BMI1: variants seen among roughly 807,000 people sequenced by gnomAD.
BMI1 encodes the protein polycomb complex protein BMI-1.
BMI1 carries 9 observed loss-of-function variants against 39.1 expected under a neutral mutation model. That is an observed-to-expected ratio of 0.23 (90% CI 0.14 to 0.40). BMI1 has a LOEUF of 0.40. BMI1 is among the 10% of genes least tolerant of loss of function. The probability of loss-of-function intolerance (pLI) is 1.00; values close to 1 mark genes in which losing one functional copy is unlikely to be tolerated. For missense variants in BMI1, 252 were observed against 390.8 expected (o/e 0.64, Z 2.99); for synonymous variants, 131 against 127.9 (o/e 1.02, Z -0.16).
At chr10:22,328,398 C>T (rs1409822371) in intron 7 of BMI1, among the ~76,000 whole-genome samples, 1 of 151,990 alleles carries the variant, frequency 6.6e-6, no homozygotes, top group Non-Finnish European at 1.5e-5. Context: ...ACAGTTAATA[C>T]TTTGGTATGC....
In BMI1 at chr10:22,326,923, C is replaced by G. The variant is rs1836168226; in HGVS notation, c.146C>G (p.Thr49Ser). The change falls in exon 3 of 10, where the codon ACC becomes AGC. Residue 49 changes from threonine (T) to serine (S), a missense_variant. Thr to Ser is a moderately conservative substitution (Grantham distance 58, BLOSUM62 1). Coordinates refer to ENST00000376663, the MANE Select transcript of BMI1 (RefSeq NM_005180.9). Reference protein sequence around the residue: ...CKTCIVRYLETSKYCPICDVQ... With the variant: ...CKTCIVRYLESSKYCPICDVQ... ...ACGTGTATTGTTCGTTACCTGGAGA[C>G]CAGCAAGTATTGTCCTATTTGTGAT... is the stretch of plus-strand genomic sequence containing the variant. The G allele has an allele frequency of 6.2e-7, 1 of 1,614,028 alleles. No individual in the cohort carries two copies. The highest frequency in any genetic ancestry group is 1.1e-5 in the South Asian group (1 of 91,074).
chr10:22,327,567 A>G (rs770917839), intron 3 of BMI1, 28 bp from the exon 4 acceptor site: 6 of 1,570,370 alleles, frequency 3.8e-6, no homozygotes, highest in African/African-American at 2.8e-5. Flanking sequence ...ATCTGAATTC[A>G]TAGTTTTCTA....
rs1836201011 is a variant in BMI1, at chr10:22,328,163, A to T, written c.455A>T (p.Glu152Val). ...GATCGGAAAGTAAACAAAGACAAAG[A>T]GAAATCTAAGGAGGAGGTATGTTTC... ...RLDRKVNKDK[E>V]KSKEEVNDKR... Residue 152 changes from glutamate (E) to valine (V), a missense_variant, in exon 7 of 10, where the codon GAG becomes GTG. Physicochemically the swap from Glu to Val is moderately radical, Grantham distance 121 (BLOSUM62 -2). This residue lies in a region of BMI1 where 67 missense variants were observed against 69.9 expected (regional missense o/e 0.96). Coordinates refer to ENST00000376663, the MANE Select transcript of BMI1 (RefSeq NM_005180.9). 6.2e-7 allele frequency: 1 copy of T among 1,601,036 alleles called. No homozygotes were observed. Among genetic ancestry groups the T allele is most frequent in the Non-Finnish European group, 8.5e-7 (1 of 1,176,406 alleles).
chr10:22,324,574 G>GT (rs771167086), intron 1 of BMI1, among the ~76,000 whole-genome samples: 54 of 152,106 alleles, frequency 3.6e-4, no homozygotes, highest in Non-Finnish European at 6.9e-4. Context: ...GCTTTGTTTT[G>GT]TTTTTTACCA....
intron 1 of BMI1, among the ~76,000 whole-genome samples, chr10:22,325,335 G>C (rs996669321): frequency 1.3e-5 from 2 of 152,246 alleles, no homozygotes; most frequent in African/African-American, 4.8e-5. Context: ...AGTGATTGCA[G>C]ACAGGACAGA....
In BMI1 at chr10:22,321,667, C is replaced by T. The variant is rs1226481910; in HGVS notation, c.-49C>T. The T allele has an allele frequency of 6.6e-6, 1 of 151,978 alleles. No individual in the cohort carries two copies. Among genetic ancestry groups the T allele is most frequent in the Non-Finnish European group, 1.5e-5 (1 of 67,866 alleles). The allele number at this position is 151,978 out of a possible 1,614,324, so 9.4% of individuals were successfully genotyped here. A position where few individuals can be genotyped will look rare whatever the true frequency, so the allele number is the denominator to read the frequency against. Reference sequence around the variant, plus strand: ...CTTTCATTGTCTTTTCCGCCCGCTTCGATCGCCTCGCGCCGGCTGCTCTTT... The same window carrying T: ...CTTTCATTGTCTTTTCCGCCCGCTTTGATCGCCTCGCGCCGGCTGCTCTTT... On this transcript the variant is annotated 5_prime_UTR_variant, in exon 1 of 10. Coordinates refer to ENST00000376663, the MANE Select transcript of BMI1 (RefSeq NM_005180.9).
chr10:22,323,931 T>C (rs553016648), intron 1 of BMI1, among the ~76,000 whole-genome samples: 1 of 152,246 alleles, frequency 6.6e-6, no homozygotes, highest in Non-Finnish European at 1.5e-5. Flanking sequence ...AAAACATAAC[T>C]GATTTTTATA....
intron 3 of BMI1, 121 bp downstream of exon 3, chr10:22,327,107 T>C: frequency 8.8e-7 from 1 of 1,133,764 alleles, no homozygotes; most frequent in Non-Finnish European, 1.3e-6. Context: ...AATATGTGTG[T>C]GCTTTGTGGA....
In BMI1 at chr10:22,330,037, A is replaced by T. The variant is rs1207345693; in HGVS notation, c.*495A>T. 1 of 153,406 alleles carries T rather than the reference A, an allele frequency of 6.5e-6. No homozygotes were observed. The highest frequency in any genetic ancestry group is 2.4e-5 in the African/African-American group (1 of 41,458). The allele number at this position is 153,406 out of a possible 1,614,324, so 9.5% of individuals were successfully genotyped here. Reference sequence around the variant, plus strand: ...TGTAGCCATGTCACTGTGAATAACGATTTCTTGCATATTTAGCCATTTTGA... The same window carrying T: ...TGTAGCCATGTCACTGTGAATAACGTTTTCTTGCATATTTAGCCATTTTGA... On this transcript the variant is annotated 3_prime_UTR_variant, in exon 10 of 10. Transcript: ENST00000376663.
chr10:22,326,285 G>T, intron 1 of BMI1, 146 bp from the exon 2 acceptor site: 1 of 1,126,334 alleles, frequency 8.9e-7, no homozygotes, highest in Non-Finnish European at 1.2e-6. Flanking sequence ...GATCTGATGA[G>T]TAAATTCCTT....
At chr10:22,326,362 G>T in intron 1 of BMI1, 69 bp from the exon 2 acceptor site, 1 of 1,587,654 alleles carries the variant, frequency 6.3e-7, no homozygotes. Context: ...AGTGTTTCAG[G>T]GTTTGTGATT....
chr10:22,329,475 A>C lies in BMI1; in HGVS notation c.914A>C (p.Gln305Pro). The C allele has an allele frequency of 6.2e-7, 1 of 1,614,208 alleles. No homozygotes were observed. The highest frequency in any genetic ancestry group is 1.1e-5 in the South Asian group (1 of 91,090). ...AGCAACAGCCCCAGCGGTAACCACC[A>C]ATCTTCTTTTGCCAATAGACCTCGA... is the stretch of plus-strand genomic sequence containing the variant. The part of the protein sequence containing the change: ...GTSNSPSGNH[Q>P]SSFANRPRKS... Residue 305 changes from glutamine to proline, a missense_variant, in exon 10 of 10, where the codon CAA becomes CCA. This residue lies in a region of BMI1 where 96 missense variants were observed against 120.2 expected (regional missense o/e 0.80). Coordinates refer to ENST00000376663, the MANE Select transcript of BMI1 (RefSeq NM_005180.9).
rs1836245739 is a variant in BMI1, at chr10:22,329,888, GCCTACATTACATTCTC to G, written c.*348_*363del. 1 of 217,858 alleles carries G rather than the reference GCCTACATTACATTCTC, an allele frequency of 4.6e-6. No homozygotes were observed. The highest frequency in any genetic ancestry group is 9.2e-6 in the Non-Finnish European group (1 of 108,670). The allele number at this position is 217,858 out of a possible 1,614,324, so 13.5% of individuals were successfully genotyped here. ...CCATAGTTTGTTAATCTCAACTAAC[GCCTACATTACATTCTC>G]CTTGATCGTTCTTGTTATTACGCTG... On this transcript the variant is annotated 3_prime_UTR_variant, in exon 10 of 10. Coordinates refer to ENST00000376663, the MANE Select transcript of BMI1 (RefSeq NM_005180.9).
chr10:22,325,503 G>GTCCCCGATCCCCGC lies in BMI1; in HGVS notation c.-19-921_-19-908dup, dbSNP rs1554774778. 1.3e-4 allele frequency among the ~76,000 whole-genome samples: 20 copies of GTCCCCGATCCCCGC among 151,636 alleles called. No homozygotes were observed. In the East Asian group the frequency reaches 2.5e-3, roughly 19 times the overall value. ...CCCGCCGCCCAGGACTGGGTCCCTG[G>GTCCCCGATCCCCGC]TCCCCGATCCCCGCTCCCCGCTCCC... On this transcript the variant is annotated intron_variant, in intron 1 of 9. Coordinates refer to ENST00000376663, the MANE Select transcript of BMI1 (RefSeq NM_005180.9).
intron 1 of BMI1, among the ~76,000 whole-genome samples, chr10:22,324,924 TATC>T (rs1836095156): frequency 6.6e-6 from 1 of 152,250 alleles, no homozygotes; most frequent in African/African-American, 2.4e-5. Flanking sequence ...CTGTTGGGAA[TATC>T]ATTTCATCGT....
intron 4 of BMI1, 36 bp downstream of exon 4, chr10:22,327,686 T>C (rs1257920239): frequency 6.2e-7 from 1 of 1,612,648 alleles, no homozygotes; most frequent in Admixed American, 1.7e-5. Context: ...TTTAAAGAGA[T>C]TATTCATTAG....
chr10:22,329,632 T>C lies in BMI1; in HGVS notation c.*90T>C. On this transcript the variant is annotated 3_prime_UTR_variant, in exon 10 of 10. Transcript: ENST00000376663. Reference sequence around the variant, plus strand: ...ACAGCTTTCTAGATGCTAATACATGTGACTATCGTCCAATTTGCTTTCTTT... The same window carrying C: ...ACAGCTTTCTAGATGCTAATACATGCGACTATCGTCCAATTTGCTTTCTTT... 4.9e-6 allele frequency: 7 copies of C among 1,433,708 alleles called. No homozygotes were observed. The highest frequency in any genetic ancestry group is 6.5e-6 in the Non-Finnish European group (7 of 1,071,364). The allele number at this position is 1,433,708 out of a possible 1,614,324, so 88.8% of individuals were successfully genotyped here. A position where few individuals can be genotyped will look rare whatever the true frequency, so the allele number is the denominator to read the frequency against.
chr10:22,325,630 CCCGCCCGCCCGCCCG>C (rs1364338496), intron 1 of BMI1: 1 of 145,988 alleles, frequency 6.8e-6, no homozygotes, highest in Non-Finnish European at 1.5e-5. Flanking sequence ...CCCTCCCCCG[CCCGCCCGCCCGCCCG>C]CCGCCCCGCA....
In BMI1 at chr10:22,329,451, G is replaced by A; in HGVS notation, c.890G>A (p.Ser297Asn). ...PHISSTMNGT[S>N]NSPSGNHQSS... ...ATTTCCAGTACTATGAATGGAACCA[G>A]CAACAGCCCCAGCGGTAACCACCAA... Residue 297 changes from serine (S) to asparagine (N), a missense_variant, in exon 10 of 10, where the codon AGC becomes AAC. Coordinates refer to ENST00000376663, the MANE Select transcript of BMI1 (RefSeq NM_005180.9). 4 of 1,614,140 alleles carry A rather than the reference G, an allele frequency of 2.5e-6. No individual in the cohort carries two copies. The highest frequency in any genetic ancestry group is 8.5e-7 in the Non-Finnish European group (1 of 1,180,024).
Sources: gnomAD v4.1 joint callset for allele counts (sites outside exome capture counted in the v4.1 genomes callset) on GRCh38, gnomAD v4.1.1 for gene constraint, gnomAD v4.1.1 regional missense constraint, MANE v1.5 for transcripts, NCBI Gene and HGNC (gene_info 2026-07-23, HGNC 2026-07-21) for gene names.